Variants in DLC1 observed in about 807,000 individuals in gnomAD.
DLC1 encodes DLC1 Rho GTPase activating protein, also known as rho GTPase-activating protein 7.
Under a neutral mutation model 140.3 loss-of-function variants are expected in DLC1, and 54 were observed. That is an observed-to-expected ratio of 0.38 (90% confidence interval 0.31 to 0.48). The LOEUF (loss-of-function observed/expected upper bound fraction) is 0.48. Ranked by LOEUF, DLC1 falls within the 20% of genes least tolerant of loss-of-function variation. The pLI is 0.96. For synonymous variants in DLC1, 986 were observed against 728.1 expected (o/e 1.35, Z -5.70); for missense variants, 2,536 against 1,907.0 (o/e 1.33, Z -6.14).
intron 1 of DLC1, chr8:13,567,335 C>A (rs1431519442): frequency 1.3e-6 from 2 of 1,551,548 alleles, no homozygotes; most frequent in Non-Finnish European, 8.7e-7. Context: ...ACTCGGGTAT[C>A]AGATGAAGAA....
intron 1 of DLC1, among the ~76,000 whole-genome samples, chr8:13,594,785 A>C (rs992510015): frequency 1.3e-5 from 2 of 152,008 alleles, no homozygotes; most frequent in Non-Finnish European, 2.9e-5. Context: ...AGATTGTTGC[A>C]GAGGTTTTTT....
chr8:13,437,011 T>C (rs1033509409), intron 2 of DLC1, among the ~76,000 whole-genome samples: 2 of 152,258 alleles, frequency 1.3e-5, no homozygotes, highest in Admixed American at 6.5e-5. Flanking sequence ...TATTGTCATG[T>C]ACCCTAAAAC....
chr8:13,453,543 T>C (rs1217029690), intron 2 of DLC1, among the ~76,000 whole-genome samples: 3 of 42,592 alleles, frequency 7.0e-5, no homozygotes, highest in African/African-American at 2.5e-4. Flanking sequence ...TATATACATA[T>C]ATATATATAT....
At chr8:13,600,225 G>A (rs373876131) in intron 1 of DLC1, among the ~76,000 whole-genome samples, 1 of 151,974 alleles carries the variant, frequency 6.6e-6, no homozygotes, top group African/African-American at 2.4e-5. Context: ...AGACATACCT[G>A]TTTCTCAGAT....
At chr8:13,492,519 T>C (rs750241808) in intron 2 of DLC1, among the ~76,000 whole-genome samples, 2 of 139,492 alleles carry the variant, frequency 1.4e-5, no homozygotes, top group Non-Finnish European at 3.1e-5. Flanking sequence ...TCTCTCTCTG[T>C]TTTCTCTCTC....
chr8:13,178,524 A>T (rs2116963516), intron 5 of DLC1, among the ~76,000 whole-genome samples: 1 of 149,444 alleles, frequency 6.7e-6, no homozygotes, highest in Non-Finnish European at 1.5e-5. Flanking sequence ...ATGAGCCGAG[A>T]TTGCACCACT....
At chr8:13,452,785 A>G (rs897068783) in intron 2 of DLC1, among the ~76,000 whole-genome samples, 2 of 152,156 alleles carry the variant, frequency 1.3e-5, no homozygotes, top group African/African-American at 2.4e-5. Flanking sequence ...TAAGCATACA[A>G]TCATACACGC....
At chr8:13,458,206 C>G (rs1264950536) in intron 2 of DLC1, among the ~76,000 whole-genome samples, 2 of 152,108 alleles carry the variant, frequency 1.3e-5, no homozygotes, top group Non-Finnish European at 2.9e-5. Flanking sequence ...ATTTTTAATT[C>G]TAGCCAAAAT....
intron 2 of DLC1, among the ~76,000 whole-genome samples, chr8:13,449,626 C>T (rs1798949942): frequency 6.7e-6 from 1 of 148,752 alleles, no homozygotes; most frequent in Non-Finnish European, 1.5e-5. Flanking sequence ...ACAATGAGAA[C>T]ACTTGGACAC....
At chr8:13,403,369 A>G (rs1432799895) in intron 2 of DLC1, among the ~76,000 whole-genome samples, 1 of 152,226 alleles carries the variant, frequency 6.6e-6, no homozygotes, top group Non-Finnish European at 1.5e-5. Flanking sequence ...TTGTGCTTAT[A>G]ACTTATTTAG....
At chr8:13,132,921 G>C in intron 5 of DLC1, 1 of 1,591,888 alleles carries the variant, frequency 6.3e-7, no homozygotes. Context: ...CCAGCCCGAC[G>C]GCAAGACGCA....
chr8:13,167,116 C>A (rs7827434), intron 5 of DLC1, among the ~76,000 whole-genome samples: 87,305 of 151,928 alleles, frequency 0.57, 25,535 homozygotes, highest in East Asian at 0.86. Flanking sequence ...GAGGAAATGA[C>A]CAAAATACCT....
chr8:13,508,912 C>A (rs537161086), intron 1 of DLC1, among the ~76,000 whole-genome samples: 1 of 152,146 alleles, frequency 6.6e-6, no homozygotes, highest in East Asian at 1.9e-4. Flanking sequence ...CATAATATCT[C>A]TTTTCTGTAG....
intron 5 of DLC1, among the ~76,000 whole-genome samples, chr8:13,231,204 T>A (rs1362703512): frequency 6.6e-6 from 1 of 151,608 alleles, no homozygotes; most frequent in Non-Finnish European, 1.5e-5. Context: ...GCCTTTTAAA[T>A]CCTGACAGGA....
intron 2 of DLC1, among the ~76,000 whole-genome samples, chr8:13,455,598 C>G (rs1269930719): frequency 6.6e-6 from 1 of 152,244 alleles, no homozygotes; most frequent in Non-Finnish European, 1.5e-5. Context: ...TCAGTCTTTT[C>G]TCCAAAATCA....
At chr8:13,541,460 C>A (rs1385594787) in intron 1 of DLC1, among the ~76,000 whole-genome samples, 1 of 152,146 alleles carries the variant, frequency 6.6e-6, no homozygotes, top group Non-Finnish European at 1.5e-5. Context: ...ACTGGAAATA[C>A]TTTTAACTGT....
intron 2 of DLC1, among the ~76,000 whole-genome samples, chr8:13,446,259 T>C (rs1289618173): frequency 2.0e-5 from 3 of 152,220 alleles, no homozygotes; most frequent in South Asian, 2.1e-4. Context: ...GTATATGATA[T>C]AATGTCTTTT....
chr8:13,516,897 C>A (rs1057502156), upstream of DLC1, among the ~76,000 whole-genome samples: 1 of 152,180 alleles, frequency 6.6e-6, no homozygotes, highest in Non-Finnish European at 1.5e-5. Flanking sequence ...CAGGTCCACA[C>A]TGGAACTCAG....
chr8:13,532,280 C>T (rs1232988275), intron 1 of DLC1, among the ~76,000 whole-genome samples: 1 of 152,072 alleles, frequency 6.6e-6, no homozygotes. Flanking sequence ...AAAACAACAA[C>T]AACAACAAAA....
Sources: gnomAD v4.1 joint callset for allele counts (sites outside exome capture counted in the v4.1 genomes callset) on GRCh38, gnomAD v4.1.1 for gene constraint, MANE v1.5 for transcripts, NCBI Gene and HGNC (gene_info 2026-07-23, HGNC 2026-07-21) for gene names.